Variants in KAT2B observed in about 807,000 individuals in gnomAD.
KAT2B encodes the protein lysine acetyltransferase 2B.
A neutral mutation model predicts 105.9 loss-of-function variants in KAT2B; 36 were observed. That is an observed-to-expected ratio of 0.34 (90% CI 0.26 to 0.45). The LOEUF is 0.45. Ranked by LOEUF, KAT2B falls within the 20% of genes least tolerant of loss-of-function variation. The pLI is 1.00. For synonymous variants in KAT2B, 397 were observed against 377.9 expected, an observed-to-expected ratio of 1.05 and a Z score of -0.59; for missense variants, 820 against 1,021.6, an observed-to-expected ratio of 0.80 and a Z score of 2.69.
intron 1 of KAT2B, among the ~76,000 whole-genome samples, chr3:20,054,399 T>A (rs1476287209): frequency 6.6e-6 from 1 of 152,186 alleles, no homozygotes; most frequent in Non-Finnish European, 1.5e-5. Flanking sequence ...AGTGCTGGGA[T>A]TGATTACAGA....
rs1699029856 is a variant in KAT2B, at chr3:20,107,009, ATATATATTTTTTTTTTTTTTTTTTTTTT to A, written c.852-4585_852-4558del. On this transcript the variant is annotated intron_variant, in intron 5 of 17. Coordinates refer to ENST00000263754, the MANE Select transcript of KAT2B (RefSeq NM_003884.5). ...TATATATATATATATATATATATAT[ATATATATTTTTTTTTTTTTTTTTTTTTT>A]TTTTTTTTTTTTTGAGACGGAGTCT... Among the ~76,000 whole-genome samples the A allele has an allele frequency of 8.1e-5, 2 of 24,660 alleles. 1 individual carries two copies. Among genetic ancestry groups the A allele is most frequent in the Non-Finnish European group, 1.3e-4 (2 of 15,638 alleles). 16.2% of individuals were successfully genotyped at this position (24,660 alleles called of 152,430 possible).
chr3:20,059,960 G>T (rs965303245), intron 1 of KAT2B, among the ~76,000 whole-genome samples: 2 of 152,088 alleles, frequency 1.3e-5, no homozygotes, highest in African/African-American at 4.8e-5. Context: ...TTTCTGGATG[G>T]TCATGTAAAT....
chr3:20,119,141 T>TA (rs1440440173), intron 7 of KAT2B, among the ~76,000 whole-genome samples: 1 of 152,012 alleles, frequency 6.6e-6, no homozygotes, highest in Admixed American at 6.5e-5. Flanking sequence ...TCCTTTTTAA[T>TA]CAAAAAAATA....
At chr3:20,070,362 T>G (rs1224339266) in intron 1 of KAT2B, among the ~76,000 whole-genome samples, 1 of 150,270 alleles carries the variant, frequency 6.7e-6, no homozygotes, top group Admixed American at 6.7e-5. Flanking sequence ...TGGAGTGCAG[T>G]TGTGCAATCT....
intron 1 of KAT2B, among the ~76,000 whole-genome samples, chr3:20,053,158 A>G (rs1697944934): frequency 6.6e-6 from 1 of 152,198 alleles, no homozygotes; most frequent in South Asian, 2.1e-4. Flanking sequence ...AACGTCTCCT[A>G]CAAATCAAGC....
Position 20,127,490 on chromosome 3 carries a change from C to G in KAT2B, c.1690C>G (p.Pro564Ala). Reference protein sequence around the residue: ...VIGGICFRMFPSQGFTEIVFC... With the variant: ...VIGGICFRMFASQGFTEIVFC... Reference sequence around the variant, plus strand: ...TGGTGGTATCTGTTTCCGTATGTTCCCATCTCAAGGATTCACAGAGATTGT... The same window carrying G: ...TGGTGGTATCTGTTTCCGTATGTTCGCATCTCAAGGATTCACAGAGATTGT... The change falls in exon 11 of 18, where the codon CCA (proline) becomes GCA (alanine). Residue 564 changes from proline to alanine, a missense_variant. By Grantham distance (27) the Pro-to-Ala change is conservative. Around this residue, in one of 6 missense-constraint regions of KAT2B, gnomAD observed 225 missense variants for 268.1 expected, o/e 0.84. Coordinates refer to ENST00000263754, the MANE Select transcript of KAT2B (RefSeq NM_003884.5). 6.2e-7 allele frequency: 1 copy of G among 1,613,076 alleles called. No homozygotes were observed. Among genetic ancestry groups the G allele is most frequent in the Non-Finnish European group, 8.5e-7 (1 of 1,179,058 alleles).
chr3:20,148,349 G>C (rs767087293), intron 16 of KAT2B, 43 bp downstream of exon 16: 9 of 1,610,140 alleles, frequency 5.6e-6, no homozygotes, highest in Non-Finnish European at 6.8e-6. Flanking sequence ...ATTTTGAAAT[G>C]ATTTCCCACA....
At chr3:20,105,531 C>G (rs1698984749) in intron 5 of KAT2B, among the ~76,000 whole-genome samples, 1 of 152,076 alleles carries the variant, frequency 6.6e-6, no homozygotes. Flanking sequence ...ATCCCAGCAA[C>G]TTTGGGAGGC....
In KAT2B at chr3:20,062,100, T is replaced by TATAATATATATTATATATAAAAC. The variant is rs1418022458; in HGVS notation, c.304-10216_304-10215insTAAAACATAATATATATTATATA. Among the ~76,000 whole-genome samples, 66 of 54,254 alleles carry TATAATATATATTATATATAAAAC rather than the reference T, an allele frequency of 1.2e-3. 3 individuals carry two copies. The highest frequency in any genetic ancestry group is 3.4e-3 in the South Asian group (7 of 2,076). The allele number at this position is 54,254 out of a possible 152,430, so 35.6% of individuals were successfully genotyped here. On this transcript the variant is annotated intron_variant, in intron 1 of 17. Transcript: ENST00000263754. ...TATAATATATATTATATATAAAACA[T>TATAATATATATTATATATAAAAC]ATAATATATATTATATAAAACATAT...
intron 11 of KAT2B, among the ~76,000 whole-genome samples, chr3:20,136,154 A>T (rs1020401712): frequency 2.6e-5 from 4 of 152,196 alleles, no homozygotes; most frequent in Admixed American, 2.0e-4. Context: ...GTGCCACCAA[A>T]TTGCAGAAAA....
intron 7 of KAT2B, among the ~76,000 whole-genome samples, chr3:20,116,278 G>A (rs909805265): frequency 3.3e-5 from 5 of 152,028 alleles, no homozygotes; most frequent in Admixed American, 6.6e-5. Context: ...CTTTACCTTG[G>A]ATTTGATCTC....
At chr3:20,052,672 A>G (rs986288197) in intron 1 of KAT2B, among the ~76,000 whole-genome samples, 1 of 149,940 alleles carries the variant, frequency 6.7e-6, no homozygotes. Flanking sequence ...AAAAAAAAAA[A>G]AGAGAGAAAA....
Position 20,153,950 on chromosome 3 carries a change from G to A in KAT2B, c.*1425G>A, listed in dbSNP as rs1699909455. 6.6e-6 allele frequency: 1 copy of A among 152,478 alleles called. No homozygotes were observed. Among genetic ancestry groups the A allele is most frequent in the Admixed American group, 6.5e-5 (1 of 15,278 alleles). The allele number at this position is 152,478 out of a possible 1,614,324, so 9.4% of individuals were successfully genotyped here. A position where few individuals can be genotyped will look rare whatever the true frequency, so the allele number is the denominator to read the frequency against. On this transcript the variant is annotated 3_prime_UTR_variant, in exon 18 of 18. Coordinates refer to ENST00000263754, the MANE Select transcript of KAT2B (RefSeq NM_003884.5). Reference sequence around the variant, plus strand: ...AAATGGCTATTGAGTTGGAAGTATTGTTTTTGATATGTAAGAGATATTCAG... The same window carrying A: ...AAATGGCTATTGAGTTGGAAGTATTATTTTTGATATGTAAGAGATATTCAG...
chr3:20,065,406 C>T (rs1410903492), intron 1 of KAT2B, among the ~76,000 whole-genome samples: 2 of 152,086 alleles, frequency 1.3e-5, no homozygotes, highest in African/African-American at 4.8e-5. Context: ...TAAGGAGAGA[C>T]ATGGGAAAGG....
chr3:20,079,992 C>T (rs973481738), intron 2 of KAT2B, among the ~76,000 whole-genome samples: 1 of 152,194 alleles, frequency 6.6e-6, no homozygotes, highest in African/African-American at 2.4e-5. Context: ...CTGTTTGATA[C>T]TCCCTTCAAG....
chr3:20,078,450 G>C (rs1313767290), intron 2 of KAT2B, among the ~76,000 whole-genome samples: 4 of 151,780 alleles, frequency 2.6e-5, no homozygotes, highest in South Asian at 2.1e-4. Flanking sequence ...TCAGCTTACT[G>C]CAACCTCCCC....
intron 12 of KAT2B, among the ~76,000 whole-genome samples, chr3:20,139,333 T>A (rs1699659280): frequency 6.6e-6 from 1 of 152,140 alleles, no homozygotes; most frequent in Non-Finnish European, 1.5e-5. Flanking sequence ...ATTTTAACTT[T>A]TATGGTAAAA....
intron 2 of KAT2B, among the ~76,000 whole-genome samples, chr3:20,093,046 C>T (rs1169199561): frequency 1.3e-5 from 2 of 152,148 alleles, no homozygotes; most frequent in African/African-American, 4.8e-5. Context: ...CATAGCTGCT[C>T]CTGCTCCTTC....
intron 5 of KAT2B, among the ~76,000 whole-genome samples, chr3:20,107,656 CAAAA>C (rs577426047): frequency 1.0e-5 from 1 of 95,668 alleles, no homozygotes. Flanking sequence ...TACTATGTCT[CAAAA>C]AAAAAAAAAA....
Sources: allele counts gnomAD v4.1 joint callset (sites outside exome capture counted in the v4.1 genomes callset), GRCh38; gene constraint gnomAD v4.1.1; regional missense constraint gnomAD v4.1.1; transcripts MANE v1.5; gene names NCBI Gene and HGNC (gene_info 2026-07-23, HGNC 2026-07-21).